Variants in RERE observed in about 807,000 individuals in gnomAD.
The protein encoded by RERE is arginine-glutamic acid dipeptide repeats, also known as arginine-glutamic acid dipeptide repeats protein.
A neutral mutation model predicts 146.1 loss-of-function variants in RERE; 40 were observed. That is an observed-to-expected ratio of 0.27 (90% confidence interval 0.21 to 0.36). The LOEUF (loss-of-function observed/expected upper bound fraction) is 0.36. RERE is among the 10% of genes least tolerant of loss of function. The pLI is 1.00. For synonymous variants in RERE, 1,003 were observed against 866.0 expected (o/e 1.16, Z -2.78); for missense variants, 1,933 against 2,138.7 (o/e 0.90, Z 1.90).
chr1:8,526,152 C>G (rs1386600634), intron 7 of RERE: 1 of 830,542 alleles, frequency 1.2e-6, no homozygotes, highest in East Asian at 9.3e-5. Flanking sequence ...TCCAAGACAG[C>G]CAACAGCAGG....
intron 1 of RERE, among the ~76,000 whole-genome samples, chr1:8,692,134 T>A (rs1639219833): frequency 6.6e-6 from 1 of 152,200 alleles, no homozygotes. Context: ...TCCCTTTGTT[T>A]TATAAAATGA....
intron 1 of RERE, among the ~76,000 whole-genome samples, chr1:8,709,538 A>T (rs1639626356): frequency 6.6e-6 from 1 of 152,214 alleles, no homozygotes; most frequent in African/African-American, 2.4e-5. Flanking sequence ...GCACATATAC[A>T]TAAAAACATA....
At chr1:8,619,089 C>A (rs1403537596) in intron 3 of RERE, among the ~76,000 whole-genome samples, 1 of 152,146 alleles carries the variant, frequency 6.6e-6, no homozygotes, top group Non-Finnish European at 1.5e-5. Context: ...AATAACTTGG[C>A]CCCCACATTC....
intron 1 of RERE, among the ~76,000 whole-genome samples, chr1:8,788,227 A>G (rs543013255): frequency 6.6e-6 from 1 of 152,382 alleles, no homozygotes; most frequent in South Asian, 2.1e-4. Flanking sequence ...CTTAAGGAAT[A>G]TACATGTGAA....
intron 1 of RERE, among the ~76,000 whole-genome samples, chr1:8,813,871 T>C (rs953170351): frequency 6.6e-6 from 1 of 152,216 alleles, no homozygotes; most frequent in Admixed American, 6.5e-5. Flanking sequence ...CGCCTTGGCC[T>C]CCCAAAGTGC....
intron 7 of RERE, among the ~76,000 whole-genome samples, chr1:8,529,217 G>A (rs1645607169): frequency 6.7e-6 from 1 of 148,232 alleles, no homozygotes; most frequent in East Asian, 2.0e-4. Flanking sequence ...ATTCCAAACA[G>A]AAAAATTTTA....
chr1:8,639,112 G>GTAC (rs1647142149), intron 2 of RERE, among the ~76,000 whole-genome samples: 1 of 152,128 alleles, frequency 6.6e-6, no homozygotes, highest in Non-Finnish European at 1.5e-5. Context: ...TATTATAAAT[G>GTAC]TACTCAAAGG....
intron 1 of RERE, among the ~76,000 whole-genome samples, chr1:8,671,896 T>C (rs1638726348): frequency 6.6e-6 from 1 of 152,170 alleles, no homozygotes; most frequent in Non-Finnish European, 1.5e-5. Flanking sequence ...AAGGTAAAAC[T>C]GGATCCAAAA....
At chr1:8,779,390 C>T (rs942554232) in intron 1 of RERE, among the ~76,000 whole-genome samples, 13 of 151,602 alleles carry the variant, frequency 8.6e-5, no homozygotes, top group East Asian at 2.0e-4. Flanking sequence ...AGGCTGGGCA[C>T]GGTGGCTCAC....
intron 12 of RERE, among the ~76,000 whole-genome samples, chr1:8,415,791 T>C (rs1419661039): frequency 6.6e-6 from 1 of 152,238 alleles, no homozygotes; most frequent in East Asian, 1.9e-4. Context: ...GAGCCTCGGC[T>C]CCATTTTAAT....
chr1:8,583,501 T>C (rs1416001412), intron 4 of RERE, among the ~76,000 whole-genome samples: 7 of 152,044 alleles, frequency 4.6e-5, no homozygotes, highest in African/African-American at 1.2e-4. Flanking sequence ...CCTGGTGGGG[T>C]TGCCCATGCC....
At chr1:8,387,431 T>G (rs1212608549) in intron 12 of RERE, among the ~76,000 whole-genome samples, 1 of 152,110 alleles carries the variant, frequency 6.6e-6, no homozygotes, top group African/African-American at 2.4e-5. Context: ...AAATAAAAGC[T>G]CAAAGTATAA....
At chr1:8,751,583 G>T (rs1245004744) in intron 1 of RERE, among the ~76,000 whole-genome samples, 1 of 152,092 alleles carries the variant, frequency 6.6e-6, no homozygotes, top group South Asian at 2.1e-4. Flanking sequence ...ACTGACAGGT[G>T]AAAGCACATG....
intron 2 of RERE, among the ~76,000 whole-genome samples, chr1:8,635,766 A>C (rs895030965): frequency 2.0e-5 from 3 of 152,146 alleles, no homozygotes; most frequent in Admixed American, 6.5e-5. Context: ...GGATTCTATA[A>C]GGAAAAGAAT....
intron 1 of RERE, among the ~76,000 whole-genome samples, chr1:8,804,737 G>A (rs1160317919): frequency 7.5e-6 from 1 of 133,816 alleles, no homozygotes; most frequent in African/African-American, 2.6e-5. Flanking sequence ...TGAGAAAGTG[G>A]AGAAGCCACC....
chr1:8,628,112 C>T (rs1055241373), intron 2 of RERE, among the ~76,000 whole-genome samples: 1 of 152,114 alleles, frequency 6.6e-6, no homozygotes, highest in Non-Finnish European at 1.5e-5. Flanking sequence ...TCAAACTGAT[C>T]CAAAGCTATG....
chr1:8,729,531 T>G (rs990988587), intron 1 of RERE, among the ~76,000 whole-genome samples: 44 of 152,202 alleles, frequency 2.9e-4, no homozygotes, highest in African/African-American at 9.1e-4. Flanking sequence ...CCTTATTTTT[T>G]TATGTGTATT....
At chr1:8,561,994 T>C (rs1646084558) in intron 4 of RERE, among the ~76,000 whole-genome samples, 1 of 152,188 alleles carries the variant, frequency 6.6e-6, no homozygotes. Flanking sequence ...AAGTAACTTC[T>C]CCAAGCCTCA....
intron 2 of RERE, among the ~76,000 whole-genome samples, chr1:8,633,462 C>G (rs574335377): frequency 1.3e-5 from 2 of 152,222 alleles, no homozygotes; most frequent in South Asian, 2.1e-4. Context: ...CAGACACACA[C>G]ACACACACAC....
Sources: gnomAD v4.1 joint callset for allele counts (sites outside exome capture counted in the v4.1 genomes callset) on GRCh38, gnomAD v4.1.1 for gene constraint, MANE v1.5 for transcripts, NCBI Gene and HGNC (gene_info 2026-07-23, HGNC 2026-07-21) for gene names.